The following SCRG1 variants were observed in gnomAD, a reference collection of about 807,000 sequenced individuals.
SCRG1 encodes the protein stimulator of chondrogenesis 1, also known as scrapie-responsive protein 1.
Under a neutral mutation model 7.7 loss-of-function variants are expected in SCRG1, and 3 were observed. The ratio of observed to expected loss-of-function variants is 0.39; its 90% CI spans 0.18 to 1.01. SCRG1 has a LOEUF of 1.01. SCRG1 is among the 50% of genes least tolerant of loss of function. The pLI, the probability that SCRG1 is intolerant of heterozygous loss-of-function variation, is 0.36. For missense variants in SCRG1, 110 were observed against 117.2 expected, an observed-to-expected ratio of 0.94 and a Z score of 0.28; for synonymous variants, 46 against 41.2, an observed-to-expected ratio of 1.12 and a Z score of -0.44.
the SCRG1 span, among the ~76,000 whole-genome samples, chr4:173,466,758 T>G: frequency 6.6e-6 from 1 of 152,206 alleles, no homozygotes; most frequent in African/African-American, 2.4e-5. Flanking sequence ...TACTTCACAC[T>G]GAAAGCTGTA....
chr4:173,417,498 T>C, the SCRG1 span, among the ~76,000 whole-genome samples: 1 of 152,216 alleles, frequency 6.6e-6, no homozygotes, highest in Non-Finnish European at 1.5e-5. Flanking sequence ...TACTAGCATT[T>C]ACTGATCCTT....
At chr4:173,485,175 T>C in the SCRG1 span, among the ~76,000 whole-genome samples, 3 of 122,468 alleles carry the variant, frequency 2.4e-5, no homozygotes, top group African/African-American at 1.0e-4. Flanking sequence ...ATATATATTA[T>C]ATATTACATT....
the SCRG1 span, among the ~76,000 whole-genome samples, chr4:173,515,961 C>T: frequency 1.3e-5 from 2 of 152,146 alleles, no homozygotes; most frequent in Admixed American, 6.5e-5. This position sits in a 1 kb window ranked among gnomAD's most constrained non-coding sequence, Gnocchi z 4.6. Context: ...TTTCATTTCT[C>T]GCTGGACCCC....
the SCRG1 span, among the ~76,000 whole-genome samples, chr4:173,471,043 G>A: frequency 5.9e-5 from 9 of 152,250 alleles, no homozygotes; most frequent in East Asian, 5.8e-4. Flanking sequence ...CTGTTCACAT[G>A]ATAAAATTAT....
the SCRG1 span, among the ~76,000 whole-genome samples, chr4:173,500,343 C>G: frequency 2.6e-5 from 4 of 152,228 alleles, no homozygotes; most frequent in African/African-American, 4.8e-5. Flanking sequence ...AGGCCTCCGG[C>G]GCTCCCCGGG....
the SCRG1 span, among the ~76,000 whole-genome samples, chr4:173,478,359 C>T: frequency 2.6e-5 from 4 of 151,938 alleles, no homozygotes; most frequent in African/African-American, 7.3e-5. Context: ...GGCAACTAAC[C>T]TCTTGATGGA....
the SCRG1 span, among the ~76,000 whole-genome samples, chr4:173,436,423 C>G: frequency 6.6e-6 from 1 of 152,186 alleles, no homozygotes; most frequent in African/African-American, 2.4e-5. Context: ...GCCTCTGCTT[C>G]TCAAACTCGC....
the SCRG1 span, among the ~76,000 whole-genome samples, chr4:173,503,210 G>A: frequency 6.6e-6 from 1 of 152,186 alleles, no homozygotes; most frequent in African/African-American, 2.4e-5. The surrounding 1 kb of genome is among the most constrained non-coding windows in gnomAD (Gnocchi z 6.4). Flanking sequence ...CATGAGGACT[G>A]GCAGCAGGTG....
the SCRG1 span, among the ~76,000 whole-genome samples, chr4:173,475,563 A>G: frequency 6.6e-6 from 1 of 152,258 alleles, no homozygotes; most frequent in Non-Finnish European, 1.5e-5. Flanking sequence ...CATATGATCC[A>G]GCAATTCCCC....
At chr4:173,416,972 A>C in the SCRG1 span, among the ~76,000 whole-genome samples, 3 of 142,650 alleles carry the variant, frequency 2.1e-5, no homozygotes, top group Non-Finnish European at 4.6e-5. Flanking sequence ...CATCACACAC[A>C]CCACACACAC....
chr4:173,407,923 AT>A (rs1739947695), upstream of SCRG1, among the ~76,000 whole-genome samples: 1 of 152,222 alleles, frequency 6.6e-6, no homozygotes, highest in Non-Finnish European at 1.5e-5. Context: ...TTGCTATAAA[AT>A]TGTTCCTTTA....
chr4:173,460,046 C>T, the SCRG1 span, among the ~76,000 whole-genome samples: 1 of 152,294 alleles, frequency 6.6e-6, no homozygotes, highest in Admixed American at 6.5e-5. Flanking sequence ...TCGTCCCGTC[C>T]CCGCTGCCCC....
chr4:173,434,631 T>A, the SCRG1 span, among the ~76,000 whole-genome samples: 6 of 152,206 alleles, frequency 3.9e-5, no homozygotes, highest in East Asian at 1.2e-3. Context: ...AGGAGTTCGA[T>A]ACCATCCTGG....
chr4:173,395,950 G>T (rs1560831966), intron 1 of SCRG1, among the ~76,000 whole-genome samples: 1 of 152,216 alleles, frequency 6.6e-6, no homozygotes, highest in African/African-American at 2.4e-5. Flanking sequence ...GCCATTGGAA[G>T]ATTTTGACAG....
chr4:173,413,484 A>C, the SCRG1 span, among the ~76,000 whole-genome samples: 1 of 152,256 alleles, frequency 6.6e-6, no homozygotes, highest in African/African-American at 2.4e-5. Flanking sequence ...CATGCATTAA[A>C]GTGCCCCCAG....
the SCRG1 span, among the ~76,000 whole-genome samples, chr4:173,427,744 C>T: frequency 2.0e-5 from 3 of 152,260 alleles, no homozygotes; most frequent in Admixed American, 2.0e-4. Context: ...ATCTGGCCCT[C>T]CTTCTCTGAG....
At chr4:173,506,910 G>T in the SCRG1 span, among the ~76,000 whole-genome samples, 1 of 152,166 alleles carries the variant, frequency 6.6e-6, no homozygotes, top group Non-Finnish European at 1.5e-5. This position sits in a 1 kb window ranked among gnomAD's most constrained non-coding sequence, Gnocchi z 5.3. Flanking sequence ...GCTTCTCCCC[G>T]GCCGGGCTCG....
At chr4:173,463,860 A>G in the SCRG1 span, among the ~76,000 whole-genome samples, 1 of 152,154 alleles carries the variant, frequency 6.6e-6, no homozygotes, top group South Asian at 2.1e-4. Context: ...AATGGGTAAC[A>G]TGGGGCTGGC....
At chr4:173,415,446 A>G in the SCRG1 span, among the ~76,000 whole-genome samples, 7 of 152,204 alleles carry the variant, frequency 4.6e-5, no homozygotes, top group African/African-American at 1.7e-4. Flanking sequence ...GTTTTGTATC[A>G]TGACAGCTCA....
Sources: gnomAD v4.1 joint callset for allele counts (sites outside exome capture counted in the v4.1 genomes callset) on GRCh38, gnomAD v4.1.1 for gene constraint, Gnocchi (gnomAD v3.1) non-coding constraint, MANE v1.5 for transcripts, NCBI Gene and HGNC (gene_info 2026-07-23, HGNC 2026-07-21) for gene names.